PLCG2: variants seen among roughly 807,000 people sequenced by gnomAD.
The protein encoded by PLCG2 is phospholipase C gamma 2.
In PLCG2, 69 loss-of-function variants were observed where a neutral mutation model predicts 175.6. The ratio of observed to expected loss-of-function variants is 0.39; its 90% CI spans 0.32 to 0.48. PLCG2 has a LOEUF of 0.48. PLCG2 is among the 20% of genes least tolerant of loss of function. PLCG2 has a pLI of 0.91. For missense variants in PLCG2, 1,798 were observed against 1,650.9 expected, an observed-to-expected ratio of 1.09 and a Z score of -1.54; for synonymous variants, 827 against 624.0, an observed-to-expected ratio of 1.33 and a Z score of -4.85.
intron 17 of PLCG2, 102 bp downstream of exon 17, chr16:81,908,693 G>T: frequency 9.9e-7 from 1 of 1,008,990 alleles, no homozygotes; most frequent in Non-Finnish European, 1.4e-6. Flanking sequence ...GGCAGGCTGG[G>T]ACCTGAATCC....
intron 19 of PLCG2, among the ~76,000 whole-genome samples, chr16:81,918,909 T>A (rs61594082): frequency 0.52 from 78,428 of 150,772 alleles, 20,629 homozygotes; most frequent in East Asian, 0.77. Context: ...TTTTTTTTTT[T>A]AAAAAAAGTC....
chr16:81,910,958 T>G (rs1052816565), intron 18 of PLCG2, among the ~76,000 whole-genome samples: 3 of 152,220 alleles, frequency 2.0e-5, no homozygotes, highest in South Asian at 2.1e-4. Context: ...TACTTTGTCT[T>G]CATAGCCCCG....
At chr16:81,835,350 C>A (rs999605445) in intron 2 of PLCG2, among the ~76,000 whole-genome samples, 1 of 152,016 alleles carries the variant, frequency 6.6e-6, no homozygotes. Flanking sequence ...AATCCCAGCA[C>A]TTTGGGAGGC....
chr16:81,868,647 T>G (rs1432583541), intron 5 of PLCG2, among the ~76,000 whole-genome samples: 1 of 152,268 alleles, frequency 6.6e-6, no homozygotes, highest in Non-Finnish European at 1.5e-5. Context: ...ATTGAATTTC[T>G]TCACTTTGAC....
At position 81,860,172 on chromosome 16, in the gene PLCG2, A is replaced by ATTATTAT. The variant is rs763047744; in HGVS notation, c.479+1011_479+1012insATTATTT. The stretch of plus-strand genomic sequence containing the variant: ...TATTATTATTATTATTATTATTATT[A>ATTATTAT]TTTTTTTTTTTTTTTGTAAAGGTGA... On this transcript the variant is annotated intron_variant, in intron 5 of 32. Coordinates refer to ENST00000564138, the MANE Select transcript of PLCG2 (RefSeq NM_002661.5). 3.5e-3 allele frequency among the ~76,000 whole-genome samples: 417 copies of ATTATTAT among 120,596 alleles called. 1 individual carries two copies. Among genetic ancestry groups the ATTATTAT allele is most frequent in the Non-Finnish European group, 4.5e-3 (262 of 58,742 alleles). 79.1% of individuals were successfully genotyped at this position (120,596 alleles called of 152,430 possible).
rs1157731599 is a variant in PLCG2 at position 81,802,093 on chromosome 16, C to CTTTT, written c.193+15946_193+15949dup. 5.6e-3 allele frequency among the ~76,000 whole-genome samples: 225 copies of CTTTT among 40,010 alleles called. 80 individuals carry two copies. Among genetic ancestry groups the CTTTT allele is most frequent in the East Asian group, 7.9e-3 (6 of 760 alleles). The allele number at this position is 40,010 out of a possible 152,430, so 26.2% of individuals were successfully genotyped here. ...GTTAGCTCCTTCAGGTGAGTACAGT[C>CTTTT]TTTTTTTTTTTTTTTTTTTTTTTTT... On this transcript the variant is annotated intron_variant, in intron 2 of 32. Transcript: ENST00000564138.
At chr16:81,883,772 G>T (rs1173599965) in intron 9 of PLCG2, among the ~76,000 whole-genome samples, 1 of 152,222 alleles carries the variant, frequency 6.6e-6, no homozygotes, top group Non-Finnish European at 1.5e-5. Flanking sequence ...TCCCCTGGGA[G>T]ATAAACTAGC....
intron 2 of PLCG2, among the ~76,000 whole-genome samples, chr16:81,772,856 T>A (rs1014934069): frequency 6.6e-6 from 1 of 152,170 alleles, no homozygotes; most frequent in Non-Finnish European, 1.5e-5. Context: ...CTTGGCTTGC[T>A]GGTCTGTGGT....
chr16:81,842,363 C>A (rs1359293073), intron 2 of PLCG2, among the ~76,000 whole-genome samples: 1 of 152,184 alleles, frequency 6.6e-6, no homozygotes, highest in Non-Finnish European at 1.5e-5. Flanking sequence ...CATATGCCGG[C>A]CTGGACAGGG....
rs142427712 is a variant in PLCG2 at position 81,922,162 on chromosome 16, C to G, written c.2307+893C>G. ...GGTGGGGGAGAGAAAGGCAAGGGTA[C>G]TGCTTAGCCTCTGGCCTCCAGCTGC... On this transcript the variant is annotated intron_variant, in intron 21 of 32. Transcript: ENST00000564138. Among the ~76,000 whole-genome samples, 103 of 152,292 alleles carry G rather than the reference C, an allele frequency of 6.8e-4. 1 individual carries two copies. Among genetic ancestry groups the G allele is most frequent in the South Asian group, 4.1e-3 (20 of 4,830 alleles).
At chr16:81,881,648 A>G (rs576479525) in intron 8 of PLCG2, among the ~76,000 whole-genome samples, 2 of 152,352 alleles carry the variant, frequency 1.3e-5, no homozygotes, top group Non-Finnish European at 2.9e-5. Context: ...TAATTTTTAT[A>G]TAGTATGTAT....
chr16:81,920,130 G>C (rs577840343), intron 20 of PLCG2, among the ~76,000 whole-genome samples: 13 of 152,174 alleles, frequency 8.5e-5, no homozygotes, highest in African/African-American at 1.2e-4. Context: ...CCCAGGTGGG[G>C]GTAGAGCTAA....
chr16:81,749,066 C>T (rs1597301933), intron 1 of PLCG2, among the ~76,000 whole-genome samples: 1 of 152,124 alleles, frequency 6.6e-6, no homozygotes, highest in South Asian at 2.1e-4. Flanking sequence ...CTCCTTTCCA[C>T]TGCGACTTTC....
At chr16:81,915,325 T>C (rs1337401264) in intron 19 of PLCG2, among the ~76,000 whole-genome samples, 1 of 152,212 alleles carries the variant, frequency 6.6e-6, no homozygotes, top group Admixed American at 6.5e-5. Context: ...TGTAATGAAC[T>C]TCTGGATAGA....
intron 2 of PLCG2, among the ~76,000 whole-genome samples, chr16:81,850,901 G>A (rs1906373868): frequency 6.6e-6 from 1 of 152,196 alleles, no homozygotes; most frequent in Non-Finnish European, 1.5e-5. Flanking sequence ...TAAGATTTAA[G>A]ATGGGGCCCG....
chr16:81,955,813 G>C (rs1010927437), intron 31 of PLCG2, among the ~76,000 whole-genome samples: 2 of 152,214 alleles, frequency 1.3e-5, no homozygotes, highest in African/African-American at 2.4e-5. Context: ...GGGGGAAGTA[G>C]AAATCATTAC....
At chr16:81,774,177 CAAAAAAAAAAAAAAAAA>C (rs57503150) in intron 2 of PLCG2, among the ~76,000 whole-genome samples, 1 of 40,532 alleles carries the variant, frequency 2.5e-5, no homozygotes, top group African/African-American at 1.1e-4. Context: ...ACTAAAAATA[CAAAAAAAAAAAAAAAAA>C]AAAAAAAAAG....
chr16:81,800,149 T>C (rs1911658067), intron 2 of PLCG2, among the ~76,000 whole-genome samples: 1 of 152,220 alleles, frequency 6.6e-6, no homozygotes, highest in African/African-American at 2.4e-5. Context: ...TTGGGTATCA[T>C]AGTACCTGGC....
intron 2 of PLCG2, among the ~76,000 whole-genome samples, chr16:81,806,065 A>G (rs184221719): frequency 5.9e-5 from 9 of 152,198 alleles, no homozygotes; most frequent in South Asian, 2.1e-4. Flanking sequence ...CATGTATGCA[A>G]TATAATTATT....
Sources: gnomAD v4.1 joint callset for allele counts (sites outside exome capture counted in the v4.1 genomes callset) on GRCh38, gnomAD v4.1.1 for gene constraint, MANE v1.5 for transcripts, NCBI Gene and HGNC (gene_info 2026-07-23, HGNC 2026-07-21) for gene names.